GPHN: variants seen among roughly 807,000 people sequenced by gnomAD.
GPHN encodes the protein gephyrin.
Under a neutral mutation model 95.5 loss-of-function variants are expected in GPHN, and 17 were observed. That is an observed-to-expected ratio of 0.18 (90% CI 0.12 to 0.27). The LOEUF is 0.27. GPHN is among the 10% of genes least tolerant of loss of function. The pLI is 1.00. For missense variants in GPHN, 660 were observed against 978.1 expected, an observed-to-expected ratio of 0.67 and a Z score of 4.34; for synonymous variants, 320 against 322.5, an observed-to-expected ratio of 0.99 and a Z score of 0.08.
At chr14:66,998,994 G>T (rs1225699090) in intron 9 of GPHN, among the ~76,000 whole-genome samples, 1 of 151,218 alleles carries the variant, frequency 6.6e-6, no homozygotes, top group South Asian at 2.1e-4. Context: ...TAACAGCCTT[G>T]TTTGGGGTAA....
the GPHN span, chr14:67,576,622 C>A: frequency 1.8e-6 from 1 of 569,712 alleles, no homozygotes. The surrounding 1 kb of genome is among the most constrained non-coding windows in gnomAD (Gnocchi z 4.0). Flanking sequence ...ATCTAAGCCA[C>A]AGAGGGGAAG....
At chr14:66,657,416 A>G (rs1195511403) in intron 1 of GPHN, among the ~76,000 whole-genome samples, 1 of 152,242 alleles carries the variant, frequency 6.6e-6, no homozygotes, top group African/African-American at 2.4e-5. Flanking sequence ...ATGAATCTTT[A>G]GTGGCTACAC....
intron 10 of GPHN, among the ~76,000 whole-genome samples, chr14:67,053,560 C>G (rs893807036): frequency 1.3e-5 from 2 of 152,196 alleles, no homozygotes; most frequent in Non-Finnish European, 2.9e-5. Context: ...ACCATTTCTT[C>G]TGAAACTATT....
intron 12 of GPHN, among the ~76,000 whole-genome samples, chr14:67,098,075 A>G (rs1354770755): frequency 1.3e-5 from 2 of 152,150 alleles, no homozygotes; most frequent in Non-Finnish European, 2.9e-5. Context: ...ACACACCATC[A>G]TGGCACATGT....
chr14:66,893,713 C>T (rs2064656386), intron 5 of GPHN, among the ~76,000 whole-genome samples: 1 of 151,916 alleles, frequency 6.6e-6, no homozygotes, highest in Non-Finnish European at 1.5e-5. Flanking sequence ...TTCTTATACA[C>T]CAATAACAGA....
chr14:66,769,376 G>T (rs2059079412), intron 2 of GPHN, among the ~76,000 whole-genome samples: 2 of 151,826 alleles, frequency 1.3e-5, no homozygotes, highest in African/African-American at 4.8e-5. Context: ...TGTTATACAG[G>T]TAAACTCATG....
At chr14:66,600,905 A>G (rs2062202107) in intron 1 of GPHN, among the ~76,000 whole-genome samples, 1 of 152,110 alleles carries the variant, frequency 6.6e-6, no homozygotes, top group Admixed American at 6.5e-5. Context: ...AATTATTGCC[A>G]AAGTGCTACG....
the GPHN span, among the ~76,000 whole-genome samples, chr14:67,675,963 G>C: frequency 2.0e-5 from 3 of 152,080 alleles, no homozygotes; most frequent in Non-Finnish European, 4.4e-5. Context: ...CAAGCGTGGT[G>C]GTGGGCGCCT....
chr14:67,600,429 A>C, the GPHN span: 509,262 of 517,640 alleles, frequency 0.98, 250,943 homozygotes, highest in East Asian at 1. Context: ...GGCAATAGTT[A>C]AGTGGAAAGA....
intron 1 of GPHN, among the ~76,000 whole-genome samples, chr14:66,555,793 T>A (rs939473930): frequency 1.3e-5 from 2 of 152,086 alleles, no homozygotes; most frequent in African/African-American, 2.4e-5. Flanking sequence ...TTTGAGACTT[T>A]AAAAAAACCC....
intron 1 of GPHN, among the ~76,000 whole-genome samples, chr14:66,593,818 C>G (rs1176119172): frequency 6.6e-6 from 1 of 151,950 alleles, no homozygotes; most frequent in Non-Finnish European, 1.5e-5. Flanking sequence ...AAAGTACTAA[C>G]CAGAACAGTT....
At chr14:67,529,382 A>G in the GPHN span, among the ~76,000 whole-genome samples, 6 of 152,186 alleles carry the variant, frequency 3.9e-5, no homozygotes, top group Non-Finnish European at 8.8e-5. Flanking sequence ...GCCTGTGCCC[A>G]GAGTTGATAG....
the GPHN span, chr14:67,295,067 A>G: frequency 6.6e-6 from 1 of 151,566 alleles, no homozygotes; most frequent in East Asian, 1.9e-4. Flanking sequence ...ATGAAAGCCA[A>G]CGCGCTGAGA....
At chr14:66,888,171 C>T (rs913639740) in intron 5 of GPHN, among the ~76,000 whole-genome samples, 10 of 151,912 alleles carry the variant, frequency 6.6e-5, no homozygotes, top group African/African-American at 2.2e-4. Flanking sequence ...AAGAGAAGAA[C>T]GAGAAAAACA....
rs1445632532 is a variant in GPHN, at chr14:67,125,269, G to A, written c.1748+2892G>A. ...TTGTTCTAATGGAAATCTGTGCTGG[G>A]AGTTTAGCAAAGAAAACAAGGTATT... On this transcript the variant is annotated intron_variant, in intron 17 of 22. Transcript: ENST00000478722. 2.6e-5 allele frequency among the ~76,000 whole-genome samples: 4 copies of A among 152,158 alleles called. No homozygotes were observed. The South Asian group carries it at 8.3e-4, about 32-fold the overall frequency.
the GPHN span, chr14:67,714,865 C>T: frequency 6.6e-6 from 1 of 152,184 alleles, no homozygotes; most frequent in Non-Finnish European, 1.5e-5. Flanking sequence ...CAGAGGCAAA[C>T]CTGTGCAAAG....
At chr14:67,576,339 C>G in the GPHN span, 2 of 998,042 alleles carry the variant, frequency 2.0e-6, no homozygotes, top group Admixed American at 4.0e-5. This position sits in a 1 kb window ranked among gnomAD's most constrained non-coding sequence, Gnocchi z 4.0. Context: ...CCTTGGAGCT[C>G]TTGCCTCCAC....
At chr14:66,927,348 CAA>C (rs144817350) in intron 8 of GPHN, among the ~76,000 whole-genome samples, 25 of 100,040 alleles carry the variant, frequency 2.5e-4, no homozygotes, top group Non-Finnish European at 2.3e-4. Flanking sequence ...GACTCCATCT[CAA>C]AAAAAAAAAA....
chr14:67,442,416 T>C, the GPHN span, among the ~76,000 whole-genome samples: 2 of 152,208 alleles, frequency 1.3e-5, no homozygotes. Context: ...GTTTTATCTA[T>C]TAATAGAAAA....
Sources: gnomAD v4.1 joint callset for allele counts (sites outside exome capture counted in the v4.1 genomes callset) on GRCh38, gnomAD v4.1.1 for gene constraint, Gnocchi (gnomAD v3.1) non-coding constraint, MANE v1.5 for transcripts, NCBI Gene and HGNC (gene_info 2026-07-23, HGNC 2026-07-21) for gene names.